The following CSMD1 variants were observed in gnomAD, a reference collection of about 807,000 sequenced individuals.
CSMD1 encodes the protein CUB and sushi domain-containing protein 1.
A neutral mutation model predicts 417.5 loss-of-function variants in CSMD1; 213 were observed. That is an observed-to-expected ratio of 0.51 (90% confidence interval 0.46 to 0.57). The LOEUF is 0.57. Among genes scored for constraint, CSMD1 ranks in the 20% least tolerant of loss-of-function variants. CSMD1 has a pLI of 0.00. For synonymous variants in CSMD1, 2,862 were observed against 1,736.8 expected (o/e 1.65, Z -16.11); for missense variants, 6,923 against 4,529.7 (o/e 1.53, Z -15.17).
intron 10 of CSMD1, among the ~76,000 whole-genome samples, chr8:3,554,660 T>A (rs899734362): frequency 6.6e-6 from 1 of 152,158 alleles, no homozygotes; most frequent in African/African-American, 2.4e-5. Context: ...AGCACCTTAG[T>A]TTTCTTGAGC....
chr8:4,388,469 A>C (rs757570885), intron 3 of CSMD1, among the ~76,000 whole-genome samples: 1 of 151,336 alleles, frequency 6.6e-6, no homozygotes, highest in Non-Finnish European at 1.5e-5. Flanking sequence ...AACAAACATC[A>C]TATGTTCTCA....
chr8:4,166,104 A>G lies in CSMD1; in HGVS notation c.416-134005T>C, dbSNP rs79770590. Reference sequence around the variant, plus strand: ...TAATTACATTCTTAATGATGAGGTCATAGAGCAGCACTGTCTGATGCAAAC... The same window carrying G: ...TAATTACATTCTTAATGATGAGGTCGTAGAGCAGCACTGTCTGATGCAAAC... On this transcript the variant is annotated intron_variant, in intron 3 of 69. Coordinates refer to ENST00000635120, the MANE Select transcript of CSMD1 (RefSeq NM_033225.6). Among the ~76,000 whole-genome samples the G allele has an allele frequency of 3.7e-4, 57 of 152,330 alleles. 1 individual carries two copies. In the East Asian group the frequency reaches 6.2e-3, roughly 17 times the overall value.
chr8:3,109,807 C>T (rs1170004532), intron 43 of CSMD1, among the ~76,000 whole-genome samples: 3 of 151,534 alleles, frequency 2.0e-5, no homozygotes, highest in Non-Finnish European at 2.9e-5. Flanking sequence ...CAAACACACA[C>T]GTAAGCCACA....
At chr8:3,607,784 C>G (rs902365182) in intron 8 of CSMD1, among the ~76,000 whole-genome samples, 1 of 152,174 alleles carries the variant, frequency 6.6e-6, no homozygotes, top group Non-Finnish European at 1.5e-5. Flanking sequence ...TGGCAATACT[C>G]CTTTGTGGAA....
chr8:4,143,440 T>C (rs1290486513), intron 3 of CSMD1, among the ~76,000 whole-genome samples: 1 of 150,660 alleles, frequency 6.6e-6, no homozygotes, highest in African/African-American at 2.5e-5. Flanking sequence ...CGGATACCTT[T>C]GGTAAATTTG....
At chr8:4,189,190 C>G (rs918167524) in intron 3 of CSMD1, among the ~76,000 whole-genome samples, 3 of 152,188 alleles carry the variant, frequency 2.0e-5, no homozygotes, top group Non-Finnish European at 4.4e-5. Context: ...CGTAAGTGCC[C>G]AGCTATGCAA....
intron 5 of CSMD1, among the ~76,000 whole-genome samples, chr8:3,804,756 T>C (rs1800636554): frequency 1.3e-5 from 2 of 152,234 alleles, no homozygotes; most frequent in African/African-American, 2.4e-5. Flanking sequence ...AATTAGCCTT[T>C]AATTTTACAG....
intron 3 of CSMD1, among the ~76,000 whole-genome samples, chr8:4,185,066 G>A (rs531358404): frequency 6.7e-6 from 1 of 149,704 alleles, no homozygotes; most frequent in Non-Finnish European, 1.5e-5. Flanking sequence ...TAGAGCCTGG[G>A]AGGCAGAGGT....
In CSMD1 at chr8:3,361,581, G is replaced by A. The variant is rs544076876; in HGVS notation, c.3116-2241C>T. 2.5e-3 allele frequency among the ~76,000 whole-genome samples: 370 copies of A among 150,660 alleles called. 3 individuals carry two copies. The highest frequency in any genetic ancestry group is 8.6e-3 in the African/African-American group (353 of 41,128). On this transcript the variant is annotated intron_variant, in intron 20 of 69. Coordinates refer to ENST00000635120, the MANE Select transcript of CSMD1 (RefSeq NM_033225.6). Reference sequence around the variant, plus strand: ...GCAGAAGAATCGCTTGAACCCTGGAGGTGGAGGTTGCAGTGAGCTGAGATT... The same window carrying A: ...GCAGAAGAATCGCTTGAACCCTGGAAGTGGAGGTTGCAGTGAGCTGAGATT...
At chr8:3,684,963 C>T (rs563050291) in intron 7 of CSMD1, among the ~76,000 whole-genome samples, 1 of 152,170 alleles carries the variant, frequency 6.6e-6, no homozygotes, top group East Asian at 1.9e-4. Context: ...TTTGGAATAA[C>T]CTGTGGTAGG....
chr8:3,159,226 C>T (rs1261001681), intron 38 of CSMD1, among the ~76,000 whole-genome samples: 1 of 152,112 alleles, frequency 6.6e-6, no homozygotes, highest in Non-Finnish European at 1.5e-5. Flanking sequence ...TCATTTATTA[C>T]CAATCTAGGT....
chr8:4,354,643 A>C (rs1312505607), intron 3 of CSMD1, among the ~76,000 whole-genome samples: 3 of 152,080 alleles, frequency 2.0e-5, no homozygotes, highest in Non-Finnish European at 4.4e-5. Context: ...AAAAATAAAC[A>C]CATGAACATC....
intron 11 of CSMD1, among the ~76,000 whole-genome samples, chr8:3,483,129 A>C (rs1817837743): frequency 6.6e-6 from 1 of 152,090 alleles, no homozygotes; most frequent in Non-Finnish European, 1.5e-5. Context: ...TAGAGGTCTA[A>C]ATTAATGAAA....
chr8:4,838,338 C>A (rs1800625080), intron 1 of CSMD1, among the ~76,000 whole-genome samples: 1 of 152,120 alleles, frequency 6.6e-6, no homozygotes, highest in Non-Finnish European at 1.5e-5. Context: ...AACAGGGTAG[C>A]TTTGCCTCAA....
chr8:3,815,010 T>C (rs568761824), intron 5 of CSMD1, among the ~76,000 whole-genome samples: 21 of 152,308 alleles, frequency 1.4e-4, no homozygotes, highest in Non-Finnish European at 2.2e-4. Flanking sequence ...AATAGTTACA[T>C]AGAGACTAAA....
At chr8:4,048,735 C>G (rs1356138101) in intron 3 of CSMD1, among the ~76,000 whole-genome samples, 2 of 152,138 alleles carry the variant, frequency 1.3e-5, no homozygotes, top group Admixed American at 6.5e-5. Flanking sequence ...ACATGTATAT[C>G]TATAGAACTA....
rs1473724916 is a variant in CSMD1, at chr8:4,490,912, CTT to C, written c.303-70849_303-70848del. 3.3e-5 allele frequency among the ~76,000 whole-genome samples: 5 copies of C among 152,310 alleles called. No individual in the cohort carries two copies. The East Asian group carries it at 9.7e-4, about 29-fold the overall frequency. On this transcript the variant is annotated intron_variant, in intron 2 of 69. Coordinates refer to ENST00000635120, the MANE Select transcript of CSMD1 (RefSeq NM_033225.6). ...ACAGCAGTGGTTTCTAGGACTATAA[CTT>C]ATCACAGGAGTGGATAAGGGAGAGT... is the stretch of plus-strand genomic sequence containing the variant.
intron 3 of CSMD1, among the ~76,000 whole-genome samples, chr8:4,097,844 C>T (rs1408466647): frequency 2.6e-5 from 4 of 152,160 alleles, no homozygotes; most frequent in South Asian, 2.1e-4. Context: ...TTTCAGACAA[C>T]GTTCTATTAC....
intron 3 of CSMD1, among the ~76,000 whole-genome samples, chr8:4,412,917 A>G (rs908765158): frequency 6.6e-6 from 1 of 152,216 alleles, no homozygotes; most frequent in African/African-American, 2.4e-5. Context: ...ACAATCAGAT[A>G]AAAGAAAAGT....
Sources: allele counts gnomAD v4.1 joint callset (sites outside exome capture counted in the v4.1 genomes callset), GRCh38; gene constraint gnomAD v4.1.1; transcripts MANE v1.5; gene names NCBI Gene and HGNC (gene_info 2026-07-23, HGNC 2026-07-21).